Variants in ROBO1 observed in about 807,000 individuals in gnomAD.
ROBO1 encodes the protein roundabout guidance receptor 1.
ROBO1 carries 149 observed loss-of-function variants against 195.9 expected under a neutral mutation model. That is an observed-to-expected ratio of 0.76 (90% CI 0.67 to 0.87). The LOEUF is 0.87. Among genes scored for constraint, ROBO1 ranks in the 40% least tolerant of loss-of-function variants. ROBO1 has a pLI of 0.00. For synonymous variants in ROBO1, 816 were observed against 733.2 expected (o/e 1.11, Z -1.82); for missense variants, 1,933 against 2,068.3 (o/e 0.93, Z 1.27).
chr3:79,510,797 A>G (rs964780267), intron 2 of ROBO1, among the ~76,000 whole-genome samples: 1 of 152,158 alleles, frequency 6.6e-6, no homozygotes, highest in African/African-American at 2.4e-5. Context: ...TTTGGGGGAT[A>G]CTGTATTCTG....
At chr3:79,046,934 T>C (rs1440263333) in intron 3 of ROBO1, among the ~76,000 whole-genome samples, 2 of 152,182 alleles carry the variant, frequency 1.3e-5, no homozygotes, top group Non-Finnish European at 2.9e-5. Context: ...TTATTGAGAT[T>C]ATTTGTTATG....
chr3:79,735,825 C>T (rs371498478), intron 1 of ROBO1, among the ~76,000 whole-genome samples: 6 of 149,238 alleles, frequency 4.0e-5, no homozygotes, highest in South Asian at 4.2e-4. Flanking sequence ...GAGCAGAGAT[C>T]GCGCCACTGC....
At chr3:78,743,927 G>T (rs971450863) in intron 5 of ROBO1, among the ~76,000 whole-genome samples, 2 of 152,138 alleles carry the variant, frequency 1.3e-5, no homozygotes, top group African/African-American at 2.4e-5. Context: ...TGTTTCATCC[G>T]CCAGAAGGAC....
At chr3:79,243,875 T>G (rs889147858) in intron 2 of ROBO1, among the ~76,000 whole-genome samples, 2 of 152,204 alleles carry the variant, frequency 1.3e-5, no homozygotes, top group African/African-American at 4.8e-5. Flanking sequence ...TTGCCATTGC[T>G]TTTGGTGTTT....
At chr3:79,210,015 T>C (rs1181424042) in intron 2 of ROBO1, among the ~76,000 whole-genome samples, 1 of 151,942 alleles carries the variant, frequency 6.6e-6, no homozygotes. Flanking sequence ...AGGCAAAAGA[T>C]CTCTACAAGG....
intron 24 of ROBO1, among the ~76,000 whole-genome samples, chr3:78,631,911 G>C (rs1360116512): frequency 6.6e-6 from 1 of 152,142 alleles, no homozygotes; most frequent in Non-Finnish European, 1.5e-5. Flanking sequence ...TACAATGATG[G>C]CTTATGGTAA....
At chr3:78,610,739 C>A (rs28564238) in intron 28 of ROBO1, among the ~76,000 whole-genome samples, 1 of 151,878 alleles carries the variant, frequency 6.6e-6, no homozygotes, top group Non-Finnish European at 1.5e-5. Flanking sequence ...GAGAAGAGAA[C>A]CTGATGATAA....
chr3:78,679,038 T>C (rs1321518018), intron 10 of ROBO1, among the ~76,000 whole-genome samples: 1 of 152,148 alleles, frequency 6.6e-6, no homozygotes, highest in Non-Finnish European at 1.5e-5. Flanking sequence ...AATCAATAAA[T>C]GTAATCCAGC....
At chr3:79,097,130 C>A (rs147198326) in intron 3 of ROBO1, among the ~76,000 whole-genome samples, 73 of 151,644 alleles carry the variant, frequency 4.8e-4, no homozygotes, top group African/African-American at 1.6e-3. Context: ...AAAAGCATGG[C>A]ATAAGGTAGA....
intron 3 of ROBO1, among the ~76,000 whole-genome samples, chr3:79,077,522 A>C (rs971555066): frequency 3.9e-5 from 6 of 151,900 alleles, no homozygotes; most frequent in Admixed American, 3.3e-4. Context: ...TCAGAGAAAT[A>C]TAATTTTAGT....
At chr3:78,940,831 G>C (rs1474490870) in intron 3 of ROBO1, among the ~76,000 whole-genome samples, 1 of 152,168 alleles carries the variant, frequency 6.6e-6, no homozygotes, top group Non-Finnish European at 1.5e-5. Context: ...ATGCTTGGCA[G>C]AGTGCTGTGC....
chr3:79,106,604 A>C (rs893848294), intron 3 of ROBO1, among the ~76,000 whole-genome samples: 1 of 151,622 alleles, frequency 6.6e-6, no homozygotes, highest in Non-Finnish European at 1.5e-5. Flanking sequence ...GCAAACACCT[A>C]AAGTTTCAAG....
chr3:78,781,584 C>T (rs365492), intron 4 of ROBO1, among the ~76,000 whole-genome samples: 147,228 of 152,148 alleles, frequency 0.97, 71,415 homozygotes, highest in East Asian at 1. Context: ...CCTGGGGAGA[C>T]AGAAAAATTT....
intron 4 of ROBO1, among the ~76,000 whole-genome samples, chr3:78,775,883 C>T (rs1233323723): frequency 6.6e-6 from 1 of 152,124 alleles, no homozygotes; most frequent in African/African-American, 2.4e-5. Context: ...TCTGACTGAC[C>T]AGTGCTCTCA....
chr3:79,300,215 G>A (rs749501669), intron 2 of ROBO1, among the ~76,000 whole-genome samples: 4 of 152,164 alleles, frequency 2.6e-5, no homozygotes, highest in East Asian at 3.9e-4. Context: ...AGGGAGGTGT[G>A]GGGGGAGAGG....
At chr3:78,724,884 A>C (rs7626082) in intron 5 of ROBO1, among the ~76,000 whole-genome samples, 26,661 of 152,152 alleles carry the variant, frequency 0.18, 2,899 homozygotes, top group East Asian at 0.47. Flanking sequence ...GCACTATTTA[A>C]AATAAGCTAA....
At chr3:78,634,303 A>C (rs2107523901) in intron 23 of ROBO1, 1 of 170,922 alleles carries the variant, frequency 5.9e-6, no homozygotes, top group Admixed American at 6.1e-5. Context: ...GCAAATCATA[A>C]AAAATAAATC....
chr3:79,198,680 T>C (rs1429038727), intron 2 of ROBO1, among the ~76,000 whole-genome samples: 4 of 152,102 alleles, frequency 2.6e-5, no homozygotes, highest in Non-Finnish European at 5.9e-5. Context: ...GCATGGAAAG[T>C]TCTTCCATTT....
chr3:79,398,956 T>A (rs2037256782), intron 2 of ROBO1, among the ~76,000 whole-genome samples: 1 of 152,026 alleles, frequency 6.6e-6, no homozygotes, highest in Admixed American at 6.6e-5. Context: ...TCAAATTTTC[T>A]TCCTTTTGAG....
Sources: gnomAD v4.1 joint callset for allele counts (sites outside exome capture counted in the v4.1 genomes callset) on GRCh38, gnomAD v4.1.1 for gene constraint, MANE v1.5 for transcripts, NCBI Gene and HGNC (gene_info 2026-07-23, HGNC 2026-07-21) for gene names.